The following TENM4 variants were observed in gnomAD, a reference collection of about 807,000 sequenced individuals.
TENM4 encodes teneurin transmembrane protein 4.
In TENM4, 82 loss-of-function variants were observed where a neutral mutation model predicts 243.3. The observed-to-expected ratio is 0.34, with a 90% CI of 0.28 to 0.40. The LOEUF (loss-of-function observed/expected upper bound fraction) is 0.40, where lower values mean the gene tolerates loss of function less well. Among genes scored for constraint, TENM4 ranks in the 10% least tolerant of loss-of-function variants. The pLI, the probability that TENM4 is intolerant of heterozygous loss-of-function variation, is 1.00. For synonymous variants in TENM4, 1,412 were observed against 1,456.3 expected (o/e 0.97, Z 0.69); for missense variants, 3,138 against 3,673.3 (o/e 0.85, Z 3.77).
chr11:79,329,661 G>A (rs1204484926), intron 1 of TENM4, among the ~76,000 whole-genome samples: 3 of 152,186 alleles, frequency 2.0e-5, no homozygotes, highest in Non-Finnish European at 4.4e-5. Context: ...GTCCCAGCAG[G>A]AGAAGCACAA....
At chr11:79,278,960 C>T (rs1856107934) in intron 2 of TENM4, among the ~76,000 whole-genome samples, 5 of 152,170 alleles carry the variant, frequency 3.3e-5, no homozygotes, top group South Asian at 2.1e-4. Flanking sequence ...CAGACAAGCG[C>T]ACAGGGCCCA....
At chr11:79,234,843 C>T (rs750207866) in intron 2 of TENM4, among the ~76,000 whole-genome samples, 2 of 152,290 alleles carry the variant, frequency 1.3e-5, no homozygotes, top group East Asian at 1.9e-4. Context: ...GAGTGGGGCC[C>T]GCAGTGAGCC....
At chr11:78,914,158 G>C (rs1180111934) in intron 6 of TENM4, among the ~76,000 whole-genome samples, 1 of 152,136 alleles carries the variant, frequency 6.6e-6, no homozygotes, top group Non-Finnish European at 1.5e-5. Context: ...TGTGACTTTG[G>C]GGAAGTCCCT....
chr11:79,165,808 T>G (rs1316316850), intron 3 of TENM4, among the ~76,000 whole-genome samples: 1 of 152,180 alleles, frequency 6.6e-6, no homozygotes, highest in African/African-American at 2.4e-5. Flanking sequence ...CTTGTGTTGA[T>G]TTTTGTATAA....
chr11:79,434,036 G>T (rs1450398564), intron 1 of TENM4, among the ~76,000 whole-genome samples: 1 of 152,146 alleles, frequency 6.6e-6, no homozygotes, highest in Non-Finnish European at 1.5e-5. Context: ...TCCCCCACTG[G>T]TTCCACTGAA....
chr11:78,966,549 A>G (rs1857440890), intron 6 of TENM4, among the ~76,000 whole-genome samples: 1 of 152,196 alleles, frequency 6.6e-6, no homozygotes, highest in South Asian at 2.1e-4. Context: ...AGAGTGCACA[A>G]GGAGGTCTCA....
intron 27 of TENM4, among the ~76,000 whole-genome samples, chr11:78,704,005 C>CCA (rs146417954): frequency 0.18 from 24,148 of 132,020 alleles, 2,349 homozygotes; most frequent in Middle Eastern, 0.28. Flanking sequence ...GCATGTGCCA[C>CCA]CACACACACA....
At chr11:78,900,019 T>C (rs532240412) in intron 7 of TENM4, among the ~76,000 whole-genome samples, 1 of 152,292 alleles carries the variant, frequency 6.6e-6, no homozygotes, top group East Asian at 1.9e-4. Context: ...AAGATGTCAA[T>C]TATGTTAGTG....
chr11:78,702,481 T>A, intron 27 of TENM4, 78 bp from the exon 28 acceptor site: 1 of 1,521,764 alleles, frequency 6.6e-7, no homozygotes, highest in Non-Finnish European at 8.8e-7. Context: ...ATGTAGCCCA[T>A]AACAGTGTCC....
intron 6 of TENM4, among the ~76,000 whole-genome samples, chr11:78,932,990 G>A (rs1856702767): frequency 6.6e-6 from 1 of 152,158 alleles, no homozygotes. Context: ...TTGGGCTGGA[G>A]TTCAATATCT....
At chr11:78,921,153 G>A (rs1856439576) in intron 6 of TENM4, among the ~76,000 whole-genome samples, 1 of 152,190 alleles carries the variant, frequency 6.6e-6, no homozygotes, top group Non-Finnish European at 1.5e-5. Flanking sequence ...CATTGACACT[G>A]TATGTTACAG....
intron 13 of TENM4, among the ~76,000 whole-genome samples, chr11:78,813,742 A>G (rs1172449805): frequency 6.6e-6 from 1 of 152,168 alleles, no homozygotes; most frequent in Non-Finnish European, 1.5e-5. Flanking sequence ...AATGTTTATC[A>G]TGGGCACTGG....
chr11:78,826,589 G>A (rs1173787922), intron 12 of TENM4, among the ~76,000 whole-genome samples: 2 of 152,088 alleles, frequency 1.3e-5, no homozygotes, highest in Non-Finnish European at 2.9e-5. Context: ...CTGCCCCTTT[G>A]TGATGTCTAC....
At chr11:79,309,432 C>T (rs1212255895) in intron 1 of TENM4, among the ~76,000 whole-genome samples, 3 of 152,160 alleles carry the variant, frequency 2.0e-5, no homozygotes, top group African/African-American at 7.2e-5. Flanking sequence ...GCCACCAAGG[C>T]CTCCCAGACA....
chr11:78,736,445 AGTGTGTGTGT>A lies in TENM4; in HGVS notation c.2876+1996_2876+2005del, dbSNP rs3223449. On this transcript the variant is annotated intron_variant, in intron 20 of 33. Coordinates refer to ENST00000278550, the MANE Select transcript of TENM4 (RefSeq NM_001098816.3). Reference sequence around the variant, plus strand: ...AGGTGTGAAGTCTGGGATTTCAGCAAGTGTGTGTGTGTGTGTGTGTGTGTGTGTGTGTGTG... The same window carrying A: ...AGGTGTGAAGTCTGGGATTTCAGCAAGTGTGTGTGTGTGTGTGTGTGTGTG... Among the ~76,000 whole-genome samples the A allele has an allele frequency of 4.0e-3, 587 of 145,260 alleles. 2 individuals carry two copies. Among genetic ancestry groups the A allele is most frequent in the Non-Finnish European group, 6.2e-3 (414 of 66,914 alleles).
intron 28 of TENM4, among the ~76,000 whole-genome samples, chr11:78,690,419 A>C (rs182802185): frequency 2.0e-5 from 3 of 152,338 alleles, no homozygotes; most frequent in Admixed American, 2.0e-4. Context: ...GGGAGGTAGA[A>C]TTACAGGTGA....
chr11:79,256,136 T>C (rs1161351591), intron 2 of TENM4, among the ~76,000 whole-genome samples: 1 of 152,230 alleles, frequency 6.6e-6, no homozygotes, highest in Non-Finnish European at 1.5e-5. Flanking sequence ...AGTAGTGGCT[T>C]CTTTCTTCTA....
chr11:79,200,462 A>G, intron 3 of TENM4, among the ~76,000 whole-genome samples: 1 of 152,082 alleles, frequency 6.6e-6, no homozygotes. Context: ...AAGGGACCTC[A>G]GAGATTTACT....
At chr11:78,773,865 T>C (rs1856690593) in intron 17 of TENM4, among the ~76,000 whole-genome samples, 1 of 152,220 alleles carries the variant, frequency 6.6e-6, no homozygotes, top group Non-Finnish European at 1.5e-5. Context: ...AGGCACTTTA[T>C]ATAGATTTCT....
Sources: gnomAD v4.1 joint callset for allele counts (sites outside exome capture counted in the v4.1 genomes callset) on GRCh38, gnomAD v4.1.1 for gene constraint, MANE v1.5 for transcripts, NCBI Gene and HGNC (gene_info 2026-07-23, HGNC 2026-07-21) for gene names.